Variants in MAP7D2 observed in about 807,000 individuals in gnomAD.
MAP7D2 encodes the protein MAP7 domain containing 2.
Under a neutral mutation model 63.5 loss-of-function variants are expected in MAP7D2, and 33 were observed. The ratio of observed to expected loss-of-function variants is 0.52; its 90% CI spans 0.39 to 0.70. The LOEUF is 0.70. Among genes scored for constraint, MAP7D2 ranks in the 30% least tolerant of loss-of-function variants. MAP7D2 has a pLI of 0.00. For missense variants in MAP7D2, 626 were observed against 604.0 expected (o/e 1.04, Z -0.38); for synonymous variants, 224 against 223.7 (o/e 1.00, Z -0.01).
chrX:20,089,957 C>T (rs1021743782), intron 1 of MAP7D2, among the ~76,000 whole-genome samples: 1 of 110,712 alleles, frequency 9.0e-6, no homozygotes, highest in African/African-American at 3.3e-5. Flanking sequence ...CTTGCAGCTA[C>T]CCCCATAATC....
chrX:20,064,802 A>G lies in MAP7D2; in HGVS notation c.134T>C (p.Met45Thr), dbSNP rs146063573. The G allele has an allele frequency of 5.8e-6, 7 of 1,203,098 alleles. No individual in the cohort carries two copies. Reference sequence around the variant, plus strand: ...CTCATCTGATTTCAAAAATCCCTCCATGCCTACAAAGGAGAAAACTAGATT... The same window carrying G: ...CTCATCTGATTTCAAAAATCCCTCCGTGCCTACAAAGGAGAAAACTAGATT... ...TSQPNYRPQG[M>T]EGFLKSDERQ... is the part of the protein sequence containing the mutation. Residue 45 changes from methionine to threonine, a missense_variant, in exon 2 of 17, where the codon ATG (methionine) becomes ACG (threonine). Coordinates refer to ENST00000379643, the MANE Select transcript of MAP7D2 (RefSeq NM_001168465.2).
chrX:20,074,986 G>A lies in MAP7D2; in HGVS notation c.131-10181C>T, dbSNP rs34757891. ...GAGAATCACTTGAACCTGGGAGGTG[G>A]AGGTTACAGTGAGCCAAGATCGTGC... On this transcript the variant is annotated intron_variant, in intron 1 of 16. Coordinates refer to ENST00000379643, the MANE Select transcript of MAP7D2 (RefSeq NM_001168465.2). 2.7e-5 allele frequency among the ~76,000 whole-genome samples: 3 copies of A among 111,810 alleles called. No homozygotes were observed. In the Admixed American group the frequency reaches 2.8e-4, roughly 11 times the overall value.
At chrX:20,064,618 C>A (rs180708826) in intron 2 of MAP7D2, 110 bp downstream of exon 2, 2 of 591,105 alleles carry the variant, frequency 3.4e-6, no homozygotes, top group African/African-American at 4.5e-5. Context: ...TCATGTTCAT[C>A]TAGCAACTGT....
intron 1 of MAP7D2, among the ~76,000 whole-genome samples, chrX:20,107,458 C>A (rs2066601711): frequency 9.0e-6 from 1 of 111,046 alleles, no homozygotes; most frequent in South Asian, 3.8e-4. Context: ...ATAATCCCAG[C>A]TACTTGGGAG....
chrX:20,012,784 G>A (rs1327748715), intron 14 of MAP7D2, among the ~76,000 whole-genome samples: 1 of 111,956 alleles, frequency 8.9e-6, no homozygotes, highest in Non-Finnish European at 1.9e-5. Context: ...AATAAAACCT[G>A]ACCAGCAGTT....
chrX:20,016,160 C>T lies in MAP7D2; in HGVS notation c.1578G>A (p.Glu526=). The T allele has an allele frequency of 8.3e-7, 1 of 1,200,834 alleles. No individual in the cohort carries two copies. The highest frequency in any genetic ancestry group is 1.1e-6 in the Non-Finnish European group (1 of 889,522). The change falls in exon 11 of 17, where the codon GAG becomes GAA. Residue 526 remains glutamate, a synonymous_variant. Coordinates refer to ENST00000379643, the MANE Select transcript of MAP7D2 (RefSeq NM_001168465.2). ...GCTTTTCTTTCAACAACAGCTCCTC[C>T]TCAGCCTTCCGCTTGGCCTCCTCGC... ...KAGEEAKRKA[E]EELLLKEKQE... is the part of the protein sequence containing the mutation.
chrX:20,012,258 T>C, intron 15 of MAP7D2, 91 bp downstream of exon 15: 1 of 700,097 alleles, frequency 1.4e-6, no homozygotes, highest in Non-Finnish European at 2.1e-6. Context: ...CTTTAGGTGA[T>C]TTGGTTGTAT....
rs898738583 is a variant in MAP7D2 at position 20,012,411 on chromosome X, G to T, written c.2010C>A (p.Ala670=). ...KPAGGLIHLD[A]LDGKSNSLDD... Reference sequence around the variant, plus strand: ...CCAGGCTATTTGATTTCCCATCAAGGGCATCCAGATGAATGAGTCCCCCAG... The same window carrying T: ...CCAGGCTATTTGATTTCCCATCAAGTGCATCCAGATGAATGAGTCCCCCAG... The change falls in exon 15 of 17, where the codon GCC becomes GCA. Residue 670 remains alanine (A), a synonymous_variant. Coordinates refer to ENST00000379643, the MANE Select transcript of MAP7D2 (RefSeq NM_001168465.2). The T allele has an allele frequency of 8.3e-7, 1 of 1,206,692 alleles. No homozygotes were observed. The highest frequency in any genetic ancestry group is 1.8e-5 in the African/African-American group (1 of 56,979).
intron 1 of MAP7D2, among the ~76,000 whole-genome samples, chrX:20,103,313 C>T (rs2066486300): frequency 8.9e-6 from 1 of 112,236 alleles, no homozygotes; most frequent in Non-Finnish European, 1.9e-5. Context: ...TTCAGTTGTG[C>T]CAAGTTGAAA....
chrX:20,014,374 C>T (rs1302034637), intron 12 of MAP7D2, among the ~76,000 whole-genome samples: 5 of 111,471 alleles, frequency 4.5e-5, no homozygotes, highest in African/African-American at 1.3e-4. Flanking sequence ...TCGAGACCAG[C>T]CTGGCCAACA....
chrX:20,026,066 A>C, intron 8 of MAP7D2, 114 bp from the exon 9 acceptor site: 2 of 849,084 alleles, frequency 2.4e-6, no homozygotes, highest in Non-Finnish European at 3.3e-6. Context: ...CAGAGGAAGG[A>C]AAATAGGGCT....
At chrX:20,056,872 G>T in intron 3 of MAP7D2, 81 bp from the exon 4 acceptor site, 1 of 887,769 alleles carries the variant, frequency 1.1e-6, no homozygotes, top group South Asian at 2.3e-5. Context: ...AGTGCACAGT[G>T]TGAGTCACCA....
At chrX:20,070,443 C>T (rs974700327) in intron 1 of MAP7D2, among the ~76,000 whole-genome samples, 8 of 110,201 alleles carry the variant, frequency 7.3e-5, no homozygotes, top group African/African-American at 2.3e-4. Flanking sequence ...CTTATAGCTG[C>T]GTGTGGATTG....
intron 1 of MAP7D2, among the ~76,000 whole-genome samples, chrX:20,094,526 A>ATATATG: frequency 6.5e-5 from 1 of 15,343 alleles, no homozygotes; most frequent in Non-Finnish European, 9.2e-5. Context: ...GTATATATAT[A>ATATATG]TATATATATA....
chrX:20,111,108 G>T (rs1380739132), intron 1 of MAP7D2, among the ~76,000 whole-genome samples: 1 of 111,675 alleles, frequency 9.0e-6, no homozygotes, highest in Non-Finnish European at 1.9e-5. Flanking sequence ...TGGACAATGA[G>T]AGACCATCTT....
At chrX:20,076,166 C>T (rs1174170691) in intron 1 of MAP7D2, among the ~76,000 whole-genome samples, 1 of 110,964 alleles carries the variant, frequency 9.0e-6, no homozygotes, top group Non-Finnish European at 1.9e-5. Flanking sequence ...CTAGGGACCA[C>T]GCTCTGACAA....
chrX:20,034,227 A>G (rs973138322), intron 8 of MAP7D2, among the ~76,000 whole-genome samples: 1 of 9,964 alleles, frequency 1.0e-4, no homozygotes, highest in Non-Finnish European at 1.5e-4. Context: ...CCTGTCTCCA[A>G]AAAAAAAAAA....
chrX:20,083,801 T>C (rs951918242), intron 1 of MAP7D2, among the ~76,000 whole-genome samples: 1 of 111,632 alleles, frequency 9.0e-6, no homozygotes, highest in Non-Finnish European at 1.9e-5. Flanking sequence ...AGTCTGGAGA[T>C]ATTTTGAGAC....
At chrX:20,093,151 TCAAA>T (rs1380677240) in intron 1 of MAP7D2, among the ~76,000 whole-genome samples, 2 of 111,825 alleles carry the variant, frequency 1.8e-5, no homozygotes, top group Non-Finnish European at 3.8e-5. Context: ...GTTCGAGGGC[TCAAA>T]CACACTATTT....
Sources: gnomAD v4.1 joint callset for allele counts (sites outside exome capture counted in the v4.1 genomes callset) on GRCh38, gnomAD v4.1.1 for gene constraint, MANE v1.5 for transcripts, NCBI Gene and HGNC (gene_info 2026-07-23, HGNC 2026-07-21) for gene names.